Variants in UBE2E1 observed in about 807,000 individuals in gnomAD.
The protein encoded by UBE2E1 is ubiquitin conjugating enzyme E2 E1, also known as ubiquitin-conjugating enzyme E2 E1.
A neutral mutation model predicts 21.4 loss-of-function variants in UBE2E1; 6 were observed. That is an observed-to-expected ratio of 0.28 (90% CI 0.15 to 0.55). The LOEUF (loss-of-function observed/expected upper bound fraction) is 0.55, where lower values mean the gene tolerates loss of function less well. UBE2E1 is among the 20% of genes least tolerant of loss of function. The pLI, the probability that UBE2E1 is intolerant of heterozygous loss-of-function variation, is 0.93. For synonymous variants in UBE2E1, 87 were observed against 82.7 expected, an observed-to-expected ratio of 1.05 and a Z score of -0.28; for missense variants, 142 against 236.5, an observed-to-expected ratio of 0.60 and a Z score of 2.62.
In UBE2E1 at chr3:23,887,737, C is replaced by G; in HGVS notation, c.336+38C>G. 6.3e-7 allele frequency: 1 copy of G among 1,575,260 alleles called. No homozygotes were observed. Among genetic ancestry groups the G allele is most frequent in the Non-Finnish European group, 8.6e-7 (1 of 1,167,064 alleles). On this transcript the variant is annotated intron_variant, in intron 4 of 5. Coordinates refer to ENST00000306627, the MANE Select transcript of UBE2E1 (RefSeq NM_003341.5). The surrounding 1 kb of genome is among the most constrained non-coding windows in gnomAD (Gnocchi z 4.4). The stretch of plus-strand genomic sequence containing the variant: ...CCTGTATGCTCAAATTTACTAATTC[C>G]CACAAGAGAGCAACTGTTGAGGTTT...
At chr3:23,888,967 C>G in intron 4 of UBE2E1, 145 bp from the exon 5 acceptor site, 1 of 800,850 alleles carries the variant, frequency 1.2e-6, no homozygotes, top group East Asian at 2.9e-5. Flanking sequence ...TATCAATGAA[C>G]ACTTTCTAAT....
chr3:23,864,336 A>G (rs1482910328), intron 3 of UBE2E1, among the ~76,000 whole-genome samples: 1 of 152,044 alleles, frequency 6.6e-6, no homozygotes, highest in Non-Finnish European at 1.5e-5. Flanking sequence ...TTCAATGTGG[A>G]AACTCATGGC....
At chr3:23,880,272 A>T (rs1010382680) in intron 3 of UBE2E1, among the ~76,000 whole-genome samples, 1 of 152,206 alleles carries the variant, frequency 6.6e-6, no homozygotes, top group South Asian at 2.1e-4. Context: ...AATCCCAGCT[A>T]CTCAGGAGGC....
intron 3 of UBE2E1, among the ~76,000 whole-genome samples, chr3:23,864,108 A>G (rs915865978): frequency 1.3e-5 from 2 of 152,166 alleles, no homozygotes; most frequent in Non-Finnish European, 2.9e-5. Context: ...AAAGATCTCT[A>G]TTCTTCCCTA....
At chr3:23,881,155 C>G (rs1442711803) in intron 3 of UBE2E1, among the ~76,000 whole-genome samples, 1 of 152,138 alleles carries the variant, frequency 6.6e-6, no homozygotes, top group African/African-American at 2.4e-5. Context: ...ACAGAAGTGT[C>G]GTGGCTCATG....
At chr3:23,856,520 A>G (rs974110399) in intron 3 of UBE2E1, among the ~76,000 whole-genome samples, 1 of 152,214 alleles carries the variant, frequency 6.6e-6, no homozygotes, top group African/African-American at 2.4e-5. Flanking sequence ...CAACTGTTAA[A>G]TCAACAAACT....
chr3:23,825,237 G>C (rs1055188896), intron 3 of UBE2E1, among the ~76,000 whole-genome samples: 1 of 152,154 alleles, frequency 6.6e-6, no homozygotes, highest in Non-Finnish European at 1.5e-5. Context: ...TGCCCCACCT[G>C]TGTTTCTCTG....
At chr3:23,859,665 C>T (rs1032846675) in intron 3 of UBE2E1, among the ~76,000 whole-genome samples, 1 of 152,162 alleles carries the variant, frequency 6.6e-6, no homozygotes, top group Non-Finnish European at 1.5e-5. Context: ...GTCTCTGGGC[C>T]TCAGTTTCCT....
At chr3:23,881,100 C>A (rs1034998525) in intron 3 of UBE2E1, among the ~76,000 whole-genome samples, 7 of 152,166 alleles carry the variant, frequency 4.6e-5, no homozygotes, top group Non-Finnish European at 7.4e-5. Context: ...TGCGTTTATT[C>A]AATGGAGAGT....
intron 3 of UBE2E1, among the ~76,000 whole-genome samples, chr3:23,882,143 C>G (rs1214889722): frequency 1.3e-5 from 2 of 152,230 alleles, no homozygotes; most frequent in African/African-American, 4.8e-5. Flanking sequence ...CAGGTTGCCA[C>G]TGCTGGCTCT....
At chr3:23,864,900 AG>A in intron 3 of UBE2E1, among the ~76,000 whole-genome samples, 1 of 152,360 alleles carries the variant, frequency 6.6e-6, no homozygotes, top group Non-Finnish European at 1.5e-5. Flanking sequence ...TGCATGCATA[AG>A]CTCTTTTTCA....
At position 23,870,100 on chromosome 3, in the gene UBE2E1, C is replaced by T. The variant is rs749884342; in HGVS notation, c.204-17467C>T. Among the ~76,000 whole-genome samples the T allele has an allele frequency of 4.6e-5, 7 of 152,128 alleles. No homozygotes were observed. The highest frequency in any genetic ancestry group is 7.4e-5 in the Non-Finnish European group (5 of 68,024). On this transcript the variant is annotated intron_variant, in intron 3 of 5. Coordinates refer to ENST00000306627, the MANE Select transcript of UBE2E1 (RefSeq NM_003341.5). This position sits in a 1 kb window ranked among gnomAD's most constrained non-coding sequence, Gnocchi z 4.2. ...TGGTTTTCCACCTGGGCTGGGAAGG[C>T]CCACAGCTGAGGGCTGTAACACCTT... is the stretch of plus-strand genomic sequence containing the variant.
chr3:23,843,853 A>G (rs1435155982), intron 3 of UBE2E1, among the ~76,000 whole-genome samples: 1 of 152,196 alleles, frequency 6.6e-6, no homozygotes, highest in African/African-American at 2.4e-5. Flanking sequence ...TTAAAACTTA[A>G]TTCTTCTTTC....
At chr3:23,866,908 T>C (rs1700668427) in intron 3 of UBE2E1, among the ~76,000 whole-genome samples, 1 of 152,210 alleles carries the variant, frequency 6.6e-6, no homozygotes, top group East Asian at 1.9e-4. Flanking sequence ...TAAACAACTT[T>C]TGTGTTGAGT....
Position 23,806,310 on chromosome 3 carries a change from GC to G in UBE2E1, c.-34+225del, listed in dbSNP as rs1218236297. On this transcript the variant is annotated intron_variant, in intron 1 of 5. Coordinates refer to ENST00000306627, the MANE Select transcript of UBE2E1 (RefSeq NM_003341.5). The surrounding 1 kb of genome is among the most constrained non-coding windows in gnomAD (Gnocchi z 6.5). ...CCGGGCCGCGTGGGGTGCGGGGGCC[GC>G]CCGCATTGAGGACGGGGGTCATTGT... Among the ~76,000 whole-genome samples, 3 of 150,920 alleles carry G rather than the reference GC, an allele frequency of 2.0e-5. No individual in the cohort carries two copies. The highest frequency in any genetic ancestry group is 7.3e-5 in the African/African-American group (3 of 41,268).
intron 3 of UBE2E1, among the ~76,000 whole-genome samples, chr3:23,860,937 G>T (rs1347991866): frequency 2.0e-5 from 3 of 152,184 alleles, no homozygotes; most frequent in Non-Finnish European, 4.4e-5. Context: ...AAACAGACAA[G>T]GAGATATATA....
rs528674514 is a variant in UBE2E1 at position 23,887,068 on chromosome 3, T to C, written c.204-499T>C. ...ATTCTCCTCCCACCTAACATGGACA[T>C]ACTTTTTACATTATAAACCATCTAT... On this transcript the variant is annotated intron_variant, in intron 3 of 5. Coordinates refer to ENST00000306627, the MANE Select transcript of UBE2E1 (RefSeq NM_003341.5). The surrounding 1 kb of genome is among the most constrained non-coding windows in gnomAD (Gnocchi z 4.4). 6.6e-6 allele frequency among the ~76,000 whole-genome samples: 1 copy of C among 152,340 alleles called. No homozygotes were observed. Among genetic ancestry groups the C allele is most frequent in the Non-Finnish European group, 1.5e-5 (1 of 68,034 alleles).
Position 23,890,621 on chromosome 3 carries a change from A to G in UBE2E1, c.*15A>G, listed in dbSNP as rs1288145424. 1.3e-6 allele frequency: 2 copies of G among 1,571,554 alleles called. No homozygotes were observed. The highest frequency in any genetic ancestry group is 1.4e-5 in the African/African-American group (1 of 73,656). ...ACGCTACATAAATTGGGGTTTCACA[A>G]TTCTTACATTATTTGTCTGTCACAG... On this transcript the variant is annotated 3_prime_UTR_variant, in exon 6 of 6. Transcript: ENST00000306627.
At position 23,876,006 on chromosome 3, in the gene UBE2E1, C is replaced by T. The variant is rs1353374885; in HGVS notation, c.204-11561C>T. Among the ~76,000 whole-genome samples, 1 of 152,166 alleles carries T rather than the reference C, an allele frequency of 6.6e-6. No individual in the cohort carries two copies. Among genetic ancestry groups the T allele is most frequent in the East Asian group, 1.9e-4 (1 of 5,192 alleles). On this transcript the variant is annotated intron_variant, in intron 3 of 5. Coordinates refer to ENST00000306627, the MANE Select transcript of UBE2E1 (RefSeq NM_003341.5). The surrounding 1 kb of genome is among the most constrained non-coding windows in gnomAD (Gnocchi z 4.3). ...CAGGATGGTCTCTATCTCTAGACCT[C>T]GTGATCTGCCCGCTTTGGCCTCACA...
Sources: gnomAD v4.1 joint callset for allele counts (sites outside exome capture counted in the v4.1 genomes callset) on GRCh38, gnomAD v4.1.1 for gene constraint, Gnocchi (gnomAD v3.1) non-coding constraint, MANE v1.5 for transcripts, NCBI Gene and HGNC (gene_info 2026-07-23, HGNC 2026-07-21) for gene names.